KAZN: variants seen among roughly 807,000 people sequenced by gnomAD.
The protein encoded by KAZN is kazrin.
In KAZN, 40 loss-of-function variants were observed where a neutral mutation model predicts 87.4. That is an observed-to-expected ratio of 0.46 (90% confidence interval 0.36 to 0.60). The LOEUF is 0.60. Ranked by LOEUF, KAZN falls within the 20% of genes least tolerant of loss-of-function variation. The probability of loss-of-function intolerance (pLI) is 0.00; values close to 1 mark genes in which losing one functional copy is unlikely to be tolerated. For synonymous variants in KAZN, 466 were observed against 458.3 expected (o/e 1.02, Z -0.22); for missense variants, 898 against 1,073.9 (o/e 0.84, Z 2.29).
intron 1 of KAZN, among the ~76,000 whole-genome samples, chr1:14,105,034 A>G (rs1438736837): frequency 6.6e-6 from 1 of 152,194 alleles, no homozygotes; most frequent in African/African-American, 2.4e-5. Flanking sequence ...TGGAACTCTC[A>G]TAAGCGCTGG....
Position 15,094,526 on chromosome 1 carries a change from T to C in KAZN, c.1428+141T>C, listed in dbSNP as rs1234858180. The C allele has an allele frequency of 1.2e-5, 9 of 782,300 alleles. No homozygotes were observed. The East Asian group carries it at 2.4e-4, about 21-fold the overall frequency. 48.5% of individuals were successfully genotyped at this position (782,300 alleles called of 1,614,324 possible). On this transcript the variant is annotated intron_variant, in intron 9 of 14. Coordinates refer to ENST00000376030, the MANE Select transcript of KAZN (RefSeq NM_201628.3). This position sits in a 1 kb window ranked among gnomAD's most constrained non-coding sequence, Gnocchi z 4.5. ...GGAGCTAGCCAATGCAATCAGCCTC[T>C]GATGTACCTGCTCATTGTGCCTCCC...
chr1:14,891,299 C>G (rs112317070), intron 1 of KAZN, among the ~76,000 whole-genome samples: 1,625 of 152,216 alleles, frequency 0.011, 32 homozygotes, highest in African/African-American at 0.037. Context: ...AGTCTTTTAT[C>G]CCTCACCCCC....
At chr1:14,069,702 C>T (rs1305116219) in intron 1 of KAZN, among the ~76,000 whole-genome samples, 1 of 152,124 alleles carries the variant, frequency 6.6e-6, no homozygotes, top group Non-Finnish European at 1.5e-5. Flanking sequence ...GAAAAATCTT[C>T]CTTGGATTTC....
Position 15,045,541 on chromosome 1 carries a change from C to A in KAZN, c.726+1382C>A, listed in dbSNP as rs149566728. 5.9e-3 allele frequency among the ~76,000 whole-genome samples: 898 copies of A among 152,346 alleles called. 9 individuals carry two copies. The highest frequency in any genetic ancestry group is 0.024 in the South Asian group (118 of 4,826). ...AGCCCACTGTTAACCAGAAGCCTTA[C>A]TAAGAACAGTCAGCGAGCACATCTT... On this transcript the variant is annotated intron_variant, in intron 4 of 14. Transcript: ENST00000376030.
At chr1:14,206,780 GAGTTGTTGAT>G (rs1403612166) in intron 2 of KAZN, among the ~76,000 whole-genome samples, 1 of 145,616 alleles carries the variant, frequency 6.9e-6, no homozygotes, top group African/African-American at 2.6e-5. Context: ...TCTTCAAATT[GAGTTGTTGAT>G]AGCTGTATAA....
chr1:14,879,745 C>T (rs1010290992), intron 1 of KAZN, among the ~76,000 whole-genome samples: 4 of 152,132 alleles, frequency 2.6e-5, no homozygotes, highest in Admixed American at 6.5e-5. Context: ...TGTGACTATG[C>T]GAGAATGTAG....
At chr1:14,073,975 G>C (rs915426007) in intron 1 of KAZN, among the ~76,000 whole-genome samples, 7 of 152,080 alleles carry the variant, frequency 4.6e-5, no homozygotes, top group Non-Finnish European at 8.8e-5. Context: ...GTCTGTCTTG[G>C]TGAACATTCT....
chr1:14,683,342 G>A (rs920247074), intron 1 of KAZN, among the ~76,000 whole-genome samples: 2 of 152,154 alleles, frequency 1.3e-5, no homozygotes, highest in African/African-American at 4.8e-5. Context: ...TCAAACACAC[G>A]AATTATATTA....
intron 1 of KAZN, among the ~76,000 whole-genome samples, chr1:14,619,283 A>G (rs1322277087): frequency 6.6e-6 from 1 of 151,924 alleles, no homozygotes; most frequent in Non-Finnish European, 1.5e-5. Context: ...CTGCAGCCTC[A>G]AACTCCTGGG....
chr1:14,939,844 G>T (rs1002259312), intron 1 of KAZN, among the ~76,000 whole-genome samples: 1 of 152,186 alleles, frequency 6.6e-6, no homozygotes, highest in Non-Finnish European at 1.5e-5. Context: ...TCCTCCTCTG[G>T]AGGCAGAAGG....
At chr1:13,962,226 G>A (rs1224995683) in intron 1 of KAZN, among the ~76,000 whole-genome samples, 1 of 152,206 alleles carries the variant, frequency 6.6e-6, no homozygotes, top group Non-Finnish European at 1.5e-5. Context: ...CAGTGAGGAG[G>A]CAGATGTGGC....
chr1:14,277,954 C>T (rs1402906396), intron 2 of KAZN, among the ~76,000 whole-genome samples: 1 of 151,912 alleles, frequency 6.6e-6, no homozygotes, highest in Non-Finnish European at 1.5e-5. Flanking sequence ...TGTTCCCTTC[C>T]CTCTCCACCC....
At chr1:13,996,607 G>C (rs1460134860) in intron 1 of KAZN, among the ~76,000 whole-genome samples, 1 of 152,192 alleles carries the variant, frequency 6.6e-6, no homozygotes, top group Admixed American at 6.5e-5. Context: ...TGCCTCTTCA[G>C]GCCTGACTCT....
At chr1:14,086,147 C>T (rs1421262249) in intron 1 of KAZN, among the ~76,000 whole-genome samples, 1 of 152,090 alleles carries the variant, frequency 6.6e-6, no homozygotes, top group Non-Finnish European at 1.5e-5. Context: ...ATTTTGGACG[C>T]AAATCTCTTA....
At chr1:15,034,670 G>A in intron 2 of KAZN, 79 bp from the exon 3 acceptor site, 1 of 1,537,114 alleles carries the variant, frequency 6.5e-7, no homozygotes. Flanking sequence ...GGTGACGGCG[G>A]TGATGCCACT....
chr1:14,642,639 C>T (rs1181680941), intron 1 of KAZN, among the ~76,000 whole-genome samples: 2 of 152,032 alleles, frequency 1.3e-5, no homozygotes, highest in Non-Finnish European at 2.9e-5. Context: ...TGTAGGATAA[C>T]TATAGTTTAC....
chr1:14,328,520 A>G (rs570848705), intron 2 of KAZN, among the ~76,000 whole-genome samples: 2 of 152,106 alleles, frequency 1.3e-5, no homozygotes, highest in East Asian at 3.9e-4. Flanking sequence ...TGGCTAACAC[A>G]GTGAAACCCT....
intron 1 of KAZN, among the ~76,000 whole-genome samples, chr1:13,989,397 C>A (rs1211185488): frequency 6.6e-6 from 1 of 152,080 alleles, no homozygotes; most frequent in Non-Finnish European, 1.5e-5. Context: ...GGCTTTACAA[C>A]CTTCAGGCGG....
At chr1:14,961,891 G>A (rs1485236870) in intron 2 of KAZN, among the ~76,000 whole-genome samples, 2 of 152,236 alleles carry the variant, frequency 1.3e-5, no homozygotes, top group East Asian at 1.9e-4. Context: ...ACCCCACAGT[G>A]AGCATTTGAG....
Sources: gnomAD v4.1 joint callset for allele counts (sites outside exome capture counted in the v4.1 genomes callset) on GRCh38, gnomAD v4.1.1 for gene constraint, Gnocchi (gnomAD v3.1) non-coding constraint, MANE v1.5 for transcripts, NCBI Gene and HGNC (gene_info 2026-07-23, HGNC 2026-07-21) for gene names.